TBX19: variants seen among roughly 807,000 people sequenced by gnomAD.
TBX19 encodes the protein T-box transcription factor 19.
In TBX19, 33 loss-of-function variants were observed where a neutral mutation model predicts 40.9. The observed-to-expected ratio is 0.81, with a 90% CI of 0.61 to 1.08. The LOEUF (loss-of-function observed/expected upper bound fraction) is 1.08, where lower values mean the gene tolerates loss of function less well. TBX19 is among the 50% of genes least tolerant of loss of function. The pLI, the probability that TBX19 is intolerant of heterozygous loss-of-function variation, is 0.00. For synonymous variants in TBX19, 220 were observed against 225.0 expected, an observed-to-expected ratio of 0.98 and a Z score of 0.20; for missense variants, 494 against 574.0, an observed-to-expected ratio of 0.86 and a Z score of 1.42.
At chr1:168,293,362 G>A (rs1363965883) in intron 3 of TBX19, 84 bp downstream of exon 3, 1 of 1,490,884 alleles carries the variant, frequency 6.7e-7, no homozygotes, top group African/African-American at 1.4e-5. Context: ...GGATGGGCGG[G>A]GGGGGTCCTT....
chr1:168,298,834 T>TCTTTCTTC (rs1649191314), intron 4 of TBX19, among the ~76,000 whole-genome samples: 1 of 10,942 alleles, frequency 9.1e-5, no homozygotes, highest in Non-Finnish European at 1.6e-4. Context: ...TTTCTTTCTT[T>TCTTTCTTC]CTTTCTTTCT....
chr1:168,309,705 G>T (rs1649480884), intron 7 of TBX19, among the ~76,000 whole-genome samples: 1 of 152,160 alleles, frequency 6.6e-6, no homozygotes, highest in Non-Finnish European at 1.5e-5. Flanking sequence ...AATCTGAGTG[G>T]TGAAGTGGGA....
At chr1:168,283,309 A>G (rs1023194880) in intron 1 of TBX19, among the ~76,000 whole-genome samples, 1 of 152,284 alleles carries the variant, frequency 6.6e-6, no homozygotes. Context: ...CCGTCTTCCT[A>G]TAGATGAAAT....
intron 5 of TBX19, 114 bp from the exon 6 acceptor site, chr1:168,304,894 G>C: frequency 9.3e-6 from 10 of 1,071,888 alleles, no homozygotes; most frequent in Non-Finnish European, 1.4e-5. Flanking sequence ...CATCACACAG[G>C]CTGGCATCAG....
chr1:168,294,950 A>G (rs1649064227), intron 3 of TBX19, among the ~76,000 whole-genome samples: 1 of 151,200 alleles, frequency 6.6e-6, no homozygotes, highest in South Asian at 2.1e-4. Context: ...CACCATGATC[A>G]ACACTATTAT....
chr1:168,283,801 T>C (rs909732201), intron 1 of TBX19, among the ~76,000 whole-genome samples: 1 of 152,192 alleles, frequency 6.6e-6, no homozygotes, highest in African/African-American at 2.4e-5. Flanking sequence ...TTCATTGACA[T>C]TGTCACCTTG....
intron 4 of TBX19, among the ~76,000 whole-genome samples, chr1:168,298,617 T>G (rs894133751): frequency 6.6e-6 from 1 of 151,986 alleles, no homozygotes; most frequent in South Asian, 2.1e-4. Flanking sequence ...CCTTCCTTTC[T>G]CTCTTTTTTC....
chr1:168,294,149 G>GTA (rs755163478), intron 3 of TBX19, among the ~76,000 whole-genome samples: 165 of 152,186 alleles, frequency 1.1e-3, no homozygotes, highest in Non-Finnish European at 1.7e-3. Flanking sequence ...GGCTCATGTT[G>GTA]TATATATTAT....
chr1:168,297,011 C>T (rs922234636), intron 3 of TBX19, among the ~76,000 whole-genome samples: 3 of 152,134 alleles, frequency 2.0e-5, no homozygotes, highest in Admixed American at 2.0e-4. Context: ...GATGAATACC[C>T]TGTCTTCAAG....
chr1:168,308,853 A>G lies in TBX19; in HGVS notation c.1028A>G (p.Asn343Ser), dbSNP rs137938456. The change falls in exon 7 of 8, where the codon AAC becomes AGC. Residue 343 changes from asparagine (N) to serine (S), a missense_variant. Coordinates refer to ENST00000367821, the MANE Select transcript of TBX19 (RefSeq NM_005149.3). ...HASILSVPHT[N>S]GPINPGPSPY... ...AGCATCCTGTCTGTACCCCACACCA[A>G]CGGACCAATCAATCCAGGGCCCAGG... 3 of 1,613,922 alleles carry G rather than the reference A, an allele frequency of 1.9e-6. No individual in the cohort carries two copies. The highest frequency in any genetic ancestry group is 1.3e-5 in the African/African-American group (1 of 74,868).
chr1:168,291,428 C>A lies in TBX19; in HGVS notation c.468+4C>A. On this transcript the variant is annotated splice_donor_region_variant and intron_variant, in intron 2 of 7. Coordinates refer to ENST00000367821, the MANE Select transcript of TBX19 (RefSeq NM_005149.3). ...CAAGCTCAATGGAGGCGGGCAGGTA[C>A]GAATGAGGCGGGCAGGCCTGGCCAC... 1 of 1,614,106 alleles carries A rather than the reference C, an allele frequency of 6.2e-7. No individual in the cohort carries two copies. The highest frequency in any genetic ancestry group is 8.5e-7 in the Non-Finnish European group (1 of 1,180,014).
At chr1:168,285,261 TCACACA>T (rs36217752) in intron 1 of TBX19, among the ~76,000 whole-genome samples, 62,695 of 148,002 alleles carry the variant, frequency 0.42, 14,711 homozygotes, top group Non-Finnish European at 0.55. Flanking sequence ...ACCATGTATG[TCACACA>T]CACACACACA....
intron 1 of TBX19, among the ~76,000 whole-genome samples, chr1:168,289,040 CT>C (rs1205618459): frequency 1.3e-5 from 2 of 152,180 alleles, no homozygotes; most frequent in African/African-American, 2.4e-5. Context: ...ACATGCCACT[CT>C]TGTGTTTTCT....
intron 1 of TBX19, among the ~76,000 whole-genome samples, chr1:168,283,570 C>T (rs1648726650): frequency 6.6e-6 from 1 of 151,980 alleles, no homozygotes; most frequent in Non-Finnish European, 1.5e-5. Context: ...CTCCCTTCTT[C>T]CTTCTCTCTT....
At chr1:168,286,241 G>A (rs73033980) in intron 1 of TBX19, among the ~76,000 whole-genome samples, 12,339 of 152,224 alleles carry the variant, frequency 0.081, 908 homozygotes, top group African/African-American at 0.2. Flanking sequence ...TAACAGCTTT[G>A]TGATGATATA....
chr1:168,311,444 A>G (rs1369576634), intron 7 of TBX19, among the ~76,000 whole-genome samples: 1 of 152,148 alleles, frequency 6.6e-6, no homozygotes, highest in East Asian at 1.9e-4. Context: ...CATCTTCTGA[A>G]GATTGGGGCC....
intron 5 of TBX19, among the ~76,000 whole-genome samples, chr1:168,302,610 G>A (rs575931832): frequency 1.3e-5 from 2 of 151,916 alleles, no homozygotes; most frequent in African/African-American, 2.4e-5. Context: ...TTTTGCAGTC[G>A]TCCAAAATAT....
chr1:168,280,983 T>C lies in TBX19; in HGVS notation c.-108T>C. On this transcript the variant is annotated 5_prime_UTR_variant, in exon 1 of 8. Transcript: ENST00000367821. ...AAGAGCCAGGGTATCTTCTCTCCGCTCCCCAAGCACTGTTCAAGTGGGTTT... is the reference window on the plus strand; with the variant it reads ...AAGAGCCAGGGTATCTTCTCTCCGCCCCCCAAGCACTGTTCAAGTGGGTTT... 1.9e-6 allele frequency: 2 copies of C among 1,055,678 alleles called. No homozygotes were observed. Among genetic ancestry groups the C allele is most frequent in the Admixed American group, 3.9e-5 (2 of 51,234 alleles). The allele number at this position is 1,055,678 out of a possible 1,614,324, so 65.4% of individuals were successfully genotyped here.
chr1:168,312,900 C>A lies in TBX19; in HGVS notation c.1245C>A (p.Ser415Arg), dbSNP rs775315487. Residue 415 changes from serine (S) to arginine (R), a missense_variant, in exon 8 of 8, where the codon AGC (serine) becomes AGA (arginine). This residue lies in a region of TBX19 where 284 missense variants were observed against 307.3 expected (regional missense o/e 0.92). Transcript: ENST00000367821. Reference sequence around the variant, plus strand: ...TTCTGGGGGAGCCCTCGCTAACCAGCATTGCTGTGTCCACCTGGACAGCAG... The same window carrying A: ...TTCTGGGGGAGCCCTCGCTAACCAGAATTGCTGTGTCCACCTGGACAGCAG... ...VEVLGEPSLT[S>R]IAVSTWTAVA... is the part of the protein sequence containing the mutation. The A allele has an allele frequency of 9.3e-6, 15 of 1,614,272 alleles. No homozygotes were observed. Among genetic ancestry groups the A allele is most frequent in the Non-Finnish European group, 1.3e-5 (15 of 1,180,052 alleles).
Sources: allele counts gnomAD v4.1 joint callset (sites outside exome capture counted in the v4.1 genomes callset), GRCh38; gene constraint gnomAD v4.1.1; regional missense constraint gnomAD v4.1.1; transcripts MANE v1.5; gene names NCBI Gene and HGNC (gene_info 2026-07-23, HGNC 2026-07-21).